The following VPS45 variants were observed in gnomAD, a reference collection of about 807,000 sequenced individuals.
The protein encoded by VPS45 is vacuolar protein sorting 45 homolog, also known as vacuolar protein sorting-associated protein 45.
A neutral mutation model predicts 75.9 loss-of-function variants in VPS45; 35 were observed. The ratio of observed to expected loss-of-function variants is 0.46; its 90% CI spans 0.35 to 0.61. VPS45 has a LOEUF of 0.61. Ranked by LOEUF, VPS45 falls within the 20% of genes least tolerant of loss-of-function variation. The probability of loss-of-function intolerance (pLI) is 0.00; values close to 1 mark genes in which losing one functional copy is unlikely to be tolerated. For missense variants in VPS45, 559 were observed against 685.9 expected, an observed-to-expected ratio of 0.81 and a Z score of 2.07; for synonymous variants, 220 against 238.2, an observed-to-expected ratio of 0.92 and a Z score of 0.70.
intron 13 of VPS45, among the ~76,000 whole-genome samples, chr1:150,094,407 G>A (rs782265463): frequency 1.3e-5 from 2 of 152,108 alleles, no homozygotes; most frequent in Non-Finnish European, 2.9e-5. Flanking sequence ...AGCCTTGGAA[G>A]TATAGTGTTT....
intron 14 of VPS45, among the ~76,000 whole-genome samples, chr1:150,114,391 C>T (rs370196818): frequency 7.9e-5 from 12 of 151,124 alleles, no homozygotes; most frequent in East Asian, 5.8e-4. Flanking sequence ...TTGCTTGAAC[C>T]GGGGAGGTGG....
At chr1:150,093,761 C>A (rs1656476091) in intron 13 of VPS45, 113 bp downstream of exon 13, 3 of 1,328,496 alleles carry the variant, frequency 2.3e-6, no homozygotes, top group Non-Finnish European at 3.0e-6. Flanking sequence ...CTCCTTTCTT[C>A]TGTTAAGATT....
intron 14 of VPS45, among the ~76,000 whole-genome samples, chr1:150,115,434 C>A (rs1381678020): frequency 6.6e-6 from 1 of 151,954 alleles, no homozygotes; most frequent in Non-Finnish European, 1.5e-5. Context: ...CTCATGTTTT[C>A]AAATCCTTTA....
chr1:150,070,034 C>T (rs757215511), intron 2 of VPS45, among the ~76,000 whole-genome samples: 2 of 152,258 alleles, frequency 1.3e-5, no homozygotes, highest in Middle Eastern at 3.4e-3. Context: ...CCGCTATATT[C>T]CCCTTGTCCC....
chr1:150,093,790 T>G (rs1656477370), intron 13 of VPS45, 142 bp downstream of exon 13: 1 of 1,051,152 alleles, frequency 9.5e-7, no homozygotes, highest in Non-Finnish European at 1.3e-6. Flanking sequence ...TTTACATATG[T>G]CAGCATTAGA....
chr1:150,137,888 C>T (rs1407927938), intron 14 of VPS45, among the ~76,000 whole-genome samples: 51 of 121,014 alleles, frequency 4.2e-4, no homozygotes, highest in Non-Finnish European at 1.3e-4. Context: ...GCACTCCAGC[C>T]TAGGCGACAG....
chr1:150,112,707 C>G (rs587693883), intron 14 of VPS45, among the ~76,000 whole-genome samples: 48 of 152,278 alleles, frequency 3.2e-4, no homozygotes, highest in African/African-American at 1.2e-3. Flanking sequence ...CAAGACCACC[C>G]CTACTTCAGA....
intron 14 of VPS45, among the ~76,000 whole-genome samples, chr1:150,125,614 C>T (rs1332674222): frequency 8.5e-5 from 10 of 117,556 alleles, no homozygotes; most frequent in African/African-American, 3.4e-4. Context: ...AACACTTGGA[C>T]ACAGGAAGGG....
chr1:150,110,659 C>T, intron 14 of VPS45, 32 bp downstream of exon 14: 2 of 1,551,510 alleles, frequency 1.3e-6, no homozygotes, highest in East Asian at 2.3e-5. Context: ...ACAACTGTGT[C>T]CTCTTTCCCA....
Position 150,077,110 on chromosome 1 carries a change from C to T in VPS45, c.455C>T (p.Pro152Leu). Residue 152 changes from proline (P) to leucine (L), a missense_variant, in exon 6 of 15, where the codon CCA becomes CTA. By Grantham distance (98) the Pro-to-Leu change is moderately conservative (BLOSUM62 -3). Transcript: ENST00000644510. ...LGCCQGRNWD[P>L]AQLSRTTQGL... ...AACAAAAAGGGTCGAAATTGGGATCCAGCCCAGCTATCTAGAACAACTCAA... is the reference window on the plus strand; with the variant it reads ...AACAAAAAGGGTCGAAATTGGGATCTAGCCCAGCTATCTAGAACAACTCAA... 6.2e-7 allele frequency: 1 copy of T among 1,613,872 alleles called. No homozygotes were observed. The highest frequency in any genetic ancestry group is 8.5e-7 in the Non-Finnish European group (1 of 1,179,960).
chr1:150,079,050 G>T (rs1225711443), intron 7 of VPS45, among the ~76,000 whole-genome samples: 2 of 147,538 alleles, frequency 1.4e-5, no homozygotes, highest in African/African-American at 5.0e-5. Context: ...GGCAGAGGTT[G>T]CAGTGAACCG....
chr1:150,131,001 A>G (rs1298242010), intron 14 of VPS45, among the ~76,000 whole-genome samples: 1 of 152,136 alleles, frequency 6.6e-6, no homozygotes, highest in Non-Finnish European at 1.5e-5. Context: ...CAGAGCTGGA[A>G]CTCAAGCTCA....
chr1:150,115,733 C>A (rs1167640805), intron 14 of VPS45, among the ~76,000 whole-genome samples: 1 of 152,190 alleles, frequency 6.6e-6, no homozygotes, highest in Non-Finnish European at 1.5e-5. Context: ...CTGAACCTTG[C>A]AAAGCATATC....
intron 13 of VPS45, among the ~76,000 whole-genome samples, chr1:150,106,131 T>G (rs13374784): frequency 0.015 from 2,217 of 152,284 alleles, 66 homozygotes; most frequent in African/African-American, 0.051. Context: ...GGCCTAGATG[T>G]GGGACCTGAA....
intron 14 of VPS45, among the ~76,000 whole-genome samples, chr1:150,133,662 C>T (rs587639197): frequency 6.6e-6 from 1 of 152,188 alleles, no homozygotes; most frequent in South Asian, 2.1e-4. Flanking sequence ...CCATGCTGCC[C>T]CTGTAGTTGT....
chr1:150,102,544 T>C, intron 13 of VPS45, among the ~76,000 whole-genome samples: 1 of 18,574 alleles, frequency 5.4e-5, no homozygotes, highest in Non-Finnish European at 1.0e-4. Context: ...CGAAACTCTG[T>C]CTCAAAAAAA....
At chr1:150,069,939 G>T (rs1654950696) in intron 2 of VPS45, among the ~76,000 whole-genome samples, 2 of 151,986 alleles carry the variant, frequency 1.3e-5, no homozygotes, top group African/African-American at 4.8e-5. Context: ...GGTGCAGCAT[G>T]GTCTGGTTTC....
In VPS45 at chr1:150,093,583, T is replaced by C. The variant is rs782259938; in HGVS notation, c.1428T>C (p.His476=). 1 of 1,613,908 alleles carries C rather than the reference T, an allele frequency of 6.2e-7. No individual in the cohort carries two copies. Among genetic ancestry groups the C allele is most frequent in the Middle Eastern group, 1.7e-4 (1 of 6,058 alleles). The stretch of plus-strand genomic sequence containing the variant: ...CTTTCCTACATGAAACCCTGGATCA[T>C]CTCATCAAAGGAAGGCTTAAGGAAA... ...HQPFLHETLD[H]LIKGRLKENL... Residue 476 remains histidine (H), a synonymous_variant, in exon 13 of 15, where the codon CAT becomes CAC. Transcript: ENST00000644510.
At chr1:150,101,975 G>A (rs587748447) in intron 13 of VPS45, among the ~76,000 whole-genome samples, 11 of 152,128 alleles carry the variant, frequency 7.2e-5, no homozygotes, top group African/African-American at 2.7e-4. Flanking sequence ...GGTGGCTCAC[G>A]CCTGTAATCC....
Sources: gnomAD v4.1 joint callset for allele counts (sites outside exome capture counted in the v4.1 genomes callset) on GRCh38, gnomAD v4.1.1 for gene constraint, MANE v1.5 for transcripts, NCBI Gene and HGNC (gene_info 2026-07-23, HGNC 2026-07-21) for gene names.